The following STUM variants were observed in gnomAD, a reference collection of about 807,000 sequenced individuals.
The protein encoded by STUM is stum, mechanosensory transduction mediator homolog, also known as protein stum homolog.
In STUM, 8 loss-of-function variants were observed where a neutral mutation model predicts 15.3. That is an observed-to-expected ratio of 0.52 (90% CI 0.31 to 0.94). The LOEUF is 0.94. STUM is among the 40% of genes least tolerant of loss of function. The pLI, the probability that STUM is intolerant of heterozygous loss-of-function variation, is 0.05. For synonymous variants in STUM, 78 were observed against 88.7 expected (o/e 0.88, Z 0.68); for missense variants, 142 against 204.9 (o/e 0.69, Z 1.87).
chr1:226,584,110 G>C (rs1354096969), intron 1 of STUM, among the ~76,000 whole-genome samples: 1 of 152,196 alleles, frequency 6.6e-6, no homozygotes, highest in Non-Finnish European at 1.5e-5. Flanking sequence ...TGGGGCCTCA[G>C]CTAGCAAGAC....
intron 1 of STUM, among the ~76,000 whole-genome samples, chr1:226,592,911 C>G (rs180770909): frequency 6.6e-6 from 1 of 152,146 alleles, no homozygotes; most frequent in Non-Finnish European, 1.5e-5. Context: ...GCCACTTGGG[C>G]GCGGTGGCTC....
chr1:226,550,832 C>T (rs1181702817), intron 1 of STUM, among the ~76,000 whole-genome samples: 1 of 152,160 alleles, frequency 6.6e-6, no homozygotes, highest in Middle Eastern at 3.2e-3. Flanking sequence ...TTGACAGCAT[C>T]GGCTGCAGGG....
rs757873348 is a variant in STUM, at chr1:226,596,956, G to C, written c.357G>C (p.Trp119Cys). The C allele has an allele frequency of 1.2e-6, 2 of 1,614,094 alleles. No individual in the cohort carries two copies. The highest frequency in any genetic ancestry group is 1.7e-6 in the Non-Finnish European group (2 of 1,180,038). Residue 119 changes from tryptophan (W) to cysteine (C), a missense_variant, in exon 2 of 4, where the codon TGG (tryptophan) becomes TGC (cysteine). By Grantham distance (215) the Trp-to-Cys change is radical (BLOSUM62 -2). Transcript: ENST00000366788. ...TGGGCTGGATCATGAGCATCTTCTG[G>C]GGCATGGACATGGTCATCCTTGCCA... is the stretch of plus-strand genomic sequence containing the variant. ...VMVGWIMSIF[W>C]GMDMVILAIS...
intron 1 of STUM, among the ~76,000 whole-genome samples, chr1:226,581,862 G>A (rs1334802794): frequency 1.3e-5 from 2 of 152,318 alleles, no homozygotes; most frequent in East Asian, 1.9e-4. Context: ...CATCCTTCAC[G>A]GGGACCCATT....
At position 226,600,851 on chromosome 1, in the gene STUM, C is replaced by T. The variant is rs1231952390; in HGVS notation, c.391+177C>T. On this transcript the variant is annotated intron_variant, in intron 3 of 3. Transcript: ENST00000366788. The surrounding 1 kb of genome is among the most constrained non-coding windows in gnomAD (Gnocchi z 5.2). ...GCTTAAACATAGACAAAAGTAGAGC[C>T]CCTAGTAAAATGAGGCCCTAATGCC... 1.3e-5 allele frequency among the ~76,000 whole-genome samples: 2 copies of T among 152,118 alleles called. No individual in the cohort carries two copies. The highest frequency in any genetic ancestry group is 2.9e-5 in the Non-Finnish European group (2 of 68,030).
rs959627378 is a variant in STUM, at chr1:226,549,181, C to T, written c.202+75C>T. ...GGCGTGGGGGGAGAGAAGGGCGCGG[C>T]CGGAGACCTCCTGGCGGGGCCGCGC... On this transcript the variant is annotated intron_variant, in intron 1 of 3. Transcript: ENST00000366788. The surrounding 1 kb of genome is among the most constrained non-coding windows in gnomAD (Gnocchi z 6.8). 2.2e-5 allele frequency: 29 copies of T among 1,307,926 alleles called. 1 individual carries two copies. The South Asian group carries it at 3.8e-4, about 17-fold the overall frequency. The allele number at this position is 1,307,926 out of a possible 1,614,324, so 81.0% of individuals were successfully genotyped here.
chr1:226,586,136 G>A (rs538910203), intron 1 of STUM, among the ~76,000 whole-genome samples: 1 of 152,296 alleles, frequency 6.6e-6, no homozygotes, highest in East Asian at 1.9e-4. Context: ...CTATGTCAGA[G>A]GCCCACTGAG....
chr1:226,604,426 C>A lies in STUM; in HGVS notation c.*2386C>A, dbSNP rs938514934. 1 of 152,380 alleles carries A rather than the reference C, an allele frequency of 6.6e-6. No homozygotes were observed. The highest frequency in any genetic ancestry group is 1.5e-5 in the Non-Finnish European group (1 of 68,068). The allele number at this position is 152,380 out of a possible 1,614,324, so 9.4% of individuals were successfully genotyped here. On this transcript the variant is annotated 3_prime_UTR_variant, in exon 4 of 4. Coordinates refer to ENST00000366788, the MANE Select transcript of STUM (RefSeq NM_001003665.4). The surrounding 1 kb of genome is among the most constrained non-coding windows in gnomAD (Gnocchi z 4.7). The stretch of plus-strand genomic sequence containing the variant: ...GGAAAACATCAGCCTCAGGAGGAGG[C>A]CCCTTTCCGGGTAACTGATGTGTGG...
intron 1 of STUM, among the ~76,000 whole-genome samples, chr1:226,588,878 A>T (rs369133591): frequency 8.5e-5 from 13 of 152,344 alleles, no homozygotes; most frequent in South Asian, 8.3e-4. Context: ...AATCAGCTGT[A>T]CATTTCCTTC....
intron 1 of STUM, among the ~76,000 whole-genome samples, chr1:226,560,894 C>T (rs545342739): frequency 7.2e-5 from 11 of 152,362 alleles, no homozygotes; most frequent in Admixed American, 4.6e-4. Flanking sequence ...TCACATTCCA[C>T]ATTGGACCCA....
At position 226,549,574 on chromosome 1, in the gene STUM, G is replaced by A. The variant is rs2102682382; in HGVS notation, c.202+468G>A. Among the ~76,000 whole-genome samples the A allele has an allele frequency of 6.6e-6, 1 of 152,338 alleles. No individual in the cohort carries two copies. Among genetic ancestry groups the A allele is most frequent in the South Asian group, 2.1e-4 (1 of 4,830 alleles). On this transcript the variant is annotated intron_variant, in intron 1 of 3. Coordinates refer to ENST00000366788, the MANE Select transcript of STUM (RefSeq NM_001003665.4). The surrounding 1 kb of genome is among the most constrained non-coding windows in gnomAD (Gnocchi z 6.8). ...GTCGAAGTCAGCTGAGCCGGGGAAAGAGGACGAGCCGGGCTAGATATACCT... is the reference window on the plus strand; with the variant it reads ...GTCGAAGTCAGCTGAGCCGGGGAAAAAGGACGAGCCGGGCTAGATATACCT...
chr1:226,574,331 C>G (rs1667769028), intron 1 of STUM, among the ~76,000 whole-genome samples: 1 of 152,184 alleles, frequency 6.6e-6, no homozygotes, highest in Admixed American at 6.5e-5. Flanking sequence ...TAAGTGAGAT[C>G]ATGTAGTTTT....
chr1:226,591,316 T>G (rs1558286319), intron 1 of STUM, among the ~76,000 whole-genome samples: 1 of 152,214 alleles, frequency 6.6e-6, no homozygotes, highest in African/African-American at 2.4e-5. Context: ...GTGCACATGA[T>G]AGAAGTCAGT....
intron 1 of STUM, among the ~76,000 whole-genome samples, chr1:226,566,189 A>G (rs889012260): frequency 1.3e-4 from 20 of 152,166 alleles, no homozygotes; most frequent in African/African-American, 4.1e-4. Flanking sequence ...AAAGCCCCCA[A>G]TGATTTCTTG....
intron 1 of STUM, among the ~76,000 whole-genome samples, chr1:226,574,963 G>A (rs1667783906): frequency 6.6e-6 from 1 of 152,196 alleles, no homozygotes; most frequent in African/African-American, 2.4e-5. Context: ...GGTCAGTTCC[G>A]AGCAGGGCTG....
intron 1 of STUM, among the ~76,000 whole-genome samples, chr1:226,595,436 C>T (rs1241672044): frequency 6.6e-6 from 1 of 152,174 alleles, no homozygotes. Context: ...CACCAGCCGT[C>T]TAGGAACCCC....
intron 1 of STUM, among the ~76,000 whole-genome samples, chr1:226,581,498 G>A (rs758669804): frequency 7.2e-5 from 11 of 152,368 alleles, no homozygotes; most frequent in South Asian, 2.1e-4. Flanking sequence ...GTATCATTAC[G>A]TGGCAGAGGG....
At chr1:226,593,316 C>T (rs1668120557) in intron 1 of STUM, among the ~76,000 whole-genome samples, 1 of 152,140 alleles carries the variant, frequency 6.6e-6, no homozygotes, top group Non-Finnish European at 1.5e-5. Flanking sequence ...CAAACTCTTA[C>T]CCATGCATTC....
intron 3 of STUM, 89 bp from the exon 4 acceptor site, chr1:226,601,917 C>T: frequency 9.3e-7 from 1 of 1,076,984 alleles, no homozygotes; most frequent in Non-Finnish European, 1.4e-6. Context: ...ACAATGCCTC[C>T]TGTGTGCATT....
Sources: gnomAD v4.1 joint callset for allele counts (sites outside exome capture counted in the v4.1 genomes callset) on GRCh38, gnomAD v4.1.1 for gene constraint, Gnocchi (gnomAD v3.1) non-coding constraint, MANE v1.5 for transcripts, NCBI Gene and HGNC (gene_info 2026-07-23, HGNC 2026-07-21) for gene names.